The following CHST9 variants were observed in gnomAD, a reference collection of about 807,000 sequenced individuals.
CHST9 encodes the protein GalNAc-4-sulfotransferase 2.
In CHST9, 41 loss-of-function variants were observed where a neutral mutation model predicts 44.4. The observed-to-expected ratio is 0.92, with a 90% CI of 0.72 to 1.20. The LOEUF (loss-of-function observed/expected upper bound fraction) is 1.20. Among genes scored for constraint, CHST9 ranks in the 50% most tolerant of loss-of-function variants. CHST9 has a pLI of 0.00. For missense variants in CHST9, 504 were observed against 516.5 expected, an observed-to-expected ratio of 0.98 and a Z score of 0.23; for synonymous variants, 171 against 178.4, an observed-to-expected ratio of 0.96 and a Z score of 0.33.
chr18:26,963,845 C>G (rs1308293044), intron 4 of CHST9, among the ~76,000 whole-genome samples: 3 of 152,120 alleles, frequency 2.0e-5, no homozygotes, highest in Non-Finnish European at 4.4e-5. Flanking sequence ...TTCATGAGGA[C>G]TAAACGATAT....
At chr18:27,084,687 C>A (rs552861936) in intron 2 of CHST9, among the ~76,000 whole-genome samples, 1 of 152,004 alleles carries the variant, frequency 6.6e-6, no homozygotes, top group Admixed American at 6.6e-5. Flanking sequence ...TTTTCTTCTG[C>A]TAGCTTTGGG....
intron 5 of CHST9, among the ~76,000 whole-genome samples, chr18:26,922,763 G>A (rs2055683946): frequency 6.6e-6 from 1 of 152,096 alleles, no homozygotes; most frequent in Admixed American, 6.5e-5. Flanking sequence ...AGCCTCCTGG[G>A]TAGCTGGGAT....
intron 3 of CHST9, among the ~76,000 whole-genome samples, chr18:27,028,046 G>C (rs1276971510): frequency 6.6e-6 from 1 of 152,148 alleles, no homozygotes; most frequent in East Asian, 1.9e-4. Context: ...CTCCTGAGTA[G>C]CTGGGATTAC....
At chr18:27,060,066 G>C (rs1344513772) in intron 2 of CHST9, among the ~76,000 whole-genome samples, 2 of 152,158 alleles carry the variant, frequency 1.3e-5, no homozygotes, top group Non-Finnish European at 2.9e-5. Context: ...GTGTAGAAGA[G>C]GCTCCCCACC....
chr18:27,078,005 A>T (rs2057922367), intron 2 of CHST9, among the ~76,000 whole-genome samples: 2 of 152,128 alleles, frequency 1.3e-5, no homozygotes, highest in South Asian at 4.1e-4. Flanking sequence ...ACACTTTCAA[A>T]CACTAGATCT....
At chr18:27,064,261 C>A (rs933129570) in intron 2 of CHST9, among the ~76,000 whole-genome samples, 5 of 134,398 alleles carry the variant, frequency 3.7e-5, no homozygotes, top group Non-Finnish European at 7.9e-5. Flanking sequence ...ATACCTAAGC[C>A]TTACAGCGAA....
In CHST9 at chr18:27,019,779, G is replaced by A. The variant is rs902691965; in HGVS notation, c.202+4337C>T. On this transcript the variant is annotated intron_variant, in intron 4 of 5. Transcript: ENST00000618847. Reference sequence around the variant, plus strand: ...CTAATGTTGGCTTTGCCACTGAATGGATGTGAGTCTTGTGTTCTAAGTGGG... The same window carrying A: ...CTAATGTTGGCTTTGCCACTGAATGAATGTGAGTCTTGTGTTCTAAGTGGG... 3.3e-5 allele frequency among the ~76,000 whole-genome samples: 5 copies of A among 151,680 alleles called. No individual in the cohort carries two copies. The South Asian group carries it at 1.0e-3, about 32-fold the overall frequency.
intron 2 of CHST9, among the ~76,000 whole-genome samples, chr18:27,071,298 C>T (rs756259752): frequency 1.1e-4 from 17 of 152,198 alleles, no homozygotes; most frequent in Non-Finnish European, 7.3e-5. Context: ...CTCTTCAGGG[C>T]ACAAGTTTAA....
chr18:26,927,506 G>C (rs1416088713), intron 5 of CHST9, among the ~76,000 whole-genome samples: 2 of 152,134 alleles, frequency 1.3e-5, no homozygotes, highest in Non-Finnish European at 2.9e-5. Context: ...ACAGTGGGGA[G>C]AGGGTCAGCA....
chr18:27,060,910 T>A (rs982330879), intron 2 of CHST9, among the ~76,000 whole-genome samples: 1 of 152,194 alleles, frequency 6.6e-6, no homozygotes, highest in East Asian at 1.9e-4. Context: ...TACAGGCATG[T>A]GCCATCACAT....
chr18:27,073,309 T>C (rs8093357), intron 2 of CHST9, among the ~76,000 whole-genome samples: 47,758 of 150,238 alleles, frequency 0.32, 7,703 homozygotes, highest in South Asian at 0.42. Flanking sequence ...AGGCATTTTC[T>C]AGGATCTCCT....
intron 4 of CHST9, among the ~76,000 whole-genome samples, chr18:26,944,973 A>T (rs560241790): frequency 6.6e-6 from 1 of 152,338 alleles, no homozygotes; most frequent in South Asian, 2.1e-4. Flanking sequence ...CATAAAAAAT[A>T]AGGATTCTAA....
At chr18:27,041,412 T>A (rs729651) in intron 3 of CHST9, among the ~76,000 whole-genome samples, 59,862 of 152,024 alleles carry the variant, frequency 0.39, 12,223 homozygotes, top group East Asian at 0.5. Context: ...CAACACAGAT[T>A]AAAGTTTCTC....
At chr18:27,038,418 C>T (rs6508466) in intron 3 of CHST9, among the ~76,000 whole-genome samples, 3 of 151,930 alleles carry the variant, frequency 2.0e-5, no homozygotes. Flanking sequence ...TGGTGGCATG[C>T]GCCTGTAATC....
chr18:27,179,744 G>A (rs1252487296), intron 1 of CHST9, among the ~76,000 whole-genome samples: 1 of 152,024 alleles, frequency 6.6e-6, no homozygotes, highest in Admixed American at 6.6e-5. Flanking sequence ...ACCAAAAGCC[G>A]AGCAATTTAC....
At chr18:26,983,029 G>A (rs2056711511) in intron 4 of CHST9, among the ~76,000 whole-genome samples, 1 of 152,056 alleles carries the variant, frequency 6.6e-6, no homozygotes, top group Non-Finnish European at 1.5e-5. Context: ...GTAAGGAGAG[G>A]GAGGATCTGA....
chr18:26,996,516 G>A (rs141539601), intron 4 of CHST9, among the ~76,000 whole-genome samples: 29 of 152,256 alleles, frequency 1.9e-4, no homozygotes, highest in Non-Finnish European at 4.1e-4. Flanking sequence ...CTCTTCTTCC[G>A]TGCTTTTATA....
chr18:26,962,792 G>A (rs547187737), intron 4 of CHST9, among the ~76,000 whole-genome samples: 269 of 152,172 alleles, frequency 1.8e-3, no homozygotes, highest in African/African-American at 2.3e-3. Flanking sequence ...ATCCAAGGCC[G>A]CTTCAGGCAG....
chr18:27,125,267 A>G (rs2058410463), intron 2 of CHST9, among the ~76,000 whole-genome samples: 3 of 152,248 alleles, frequency 2.0e-5, no homozygotes, highest in Non-Finnish European at 2.9e-5. Flanking sequence ...ATTAGTTATA[A>G]AAGTAATTTG....
Sources: allele counts gnomAD v4.1 joint callset (sites outside exome capture counted in the v4.1 genomes callset), GRCh38; gene constraint gnomAD v4.1.1; transcripts MANE v1.5; gene names NCBI Gene and HGNC (gene_info 2026-07-23, HGNC 2026-07-21).